PTPRD: variants seen among roughly 807,000 people sequenced by gnomAD.
PTPRD encodes the protein protein tyrosine phosphatase receptor type D.
A neutral mutation model predicts 214.5 loss-of-function variants in PTPRD; 34 were observed. The observed-to-expected ratio is 0.16, with a 90% confidence interval of 0.12 to 0.21. The LOEUF is 0.21. Ranked by LOEUF, PTPRD falls within the 10% of genes least tolerant of loss-of-function variation. The probability of loss-of-function intolerance (pLI) is 1.00; values close to 1 mark genes in which losing one functional copy is unlikely to be tolerated. For synonymous variants in PTPRD, 1,128 were observed against 845.7 expected, an observed-to-expected ratio of 1.33 and a Z score of -5.79; for missense variants, 2,545 against 2,398.7, an observed-to-expected ratio of 1.06 and a Z score of -1.27.
intron 3 of PTPRD, among the ~76,000 whole-genome samples, chr9:10,288,038 G>A (rs577408773): frequency 7.7e-4 from 117 of 151,412 alleles, no homozygotes; most frequent in Non-Finnish European, 1.3e-3. Flanking sequence ...TCTTAAGATT[G>A]GGAGATGAAT....
chr9:10,194,343 TATAGAGAGAGAGAGAGAG>T (rs1279194706), intron 3 of PTPRD, among the ~76,000 whole-genome samples: 814 of 40,632 alleles, frequency 0.02, 1 homozygote, highest in African/African-American at 0.027. Context: ...TATATATATA[TATAGAGAGAGAGAGAGAG>T]AGAGAGAGAG....
chr9:10,169,473 C>CAAAAAAAAAAAA (rs59335943), intron 3 of PTPRD, among the ~76,000 whole-genome samples: 7 of 66,842 alleles, frequency 1.0e-4, no homozygotes, highest in African/African-American at 5.0e-4. Context: ...GACTCTGTCT[C>CAAAAAAAAAAAA]AAAAAAAAAA....
intron 11 of PTPRD, among the ~76,000 whole-genome samples, chr9:9,018,245 T>C (rs1350120611): frequency 2.0e-5 from 3 of 152,154 alleles, no homozygotes; most frequent in Non-Finnish European, 2.9e-5. Context: ...AGAATCATGG[T>C]TCCACACGAG....
chr9:8,654,415 T>A (rs993592910), intron 12 of PTPRD, among the ~76,000 whole-genome samples: 4 of 152,182 alleles, frequency 2.6e-5, no homozygotes, highest in Non-Finnish European at 4.4e-5. Flanking sequence ...CCAAGGATCA[T>A]GCTTCCACTA....
chr9:9,456,715 A>G (rs890151601), intron 8 of PTPRD, among the ~76,000 whole-genome samples: 1 of 151,884 alleles, frequency 6.6e-6, no homozygotes, highest in African/African-American at 2.4e-5. Flanking sequence ...AAACTGCTAC[A>G]TAGTAAATAA....
chr9:8,992,892 A>C (rs1182780542), intron 11 of PTPRD, among the ~76,000 whole-genome samples: 1 of 152,156 alleles, frequency 6.6e-6, no homozygotes, highest in Non-Finnish European at 1.5e-5. Flanking sequence ...GGCTGTTTCC[A>C]TGCCAGCATT....
chr9:9,274,646 G>A (rs563081730), intron 9 of PTPRD, among the ~76,000 whole-genome samples: 27 of 151,176 alleles, frequency 1.8e-4, no homozygotes, highest in African/African-American at 6.3e-4. Context: ...TAAATTGAAA[G>A]AACTTGAACA....
intron 3 of PTPRD, among the ~76,000 whole-genome samples, chr9:10,200,803 T>C (rs987006419): frequency 6.6e-6 from 1 of 152,114 alleles, no homozygotes; most frequent in Non-Finnish European, 1.5e-5. Flanking sequence ...AGGAAAAATA[T>C]AAACATAAAT....
intron 10 of PTPRD, among the ~76,000 whole-genome samples, chr9:9,147,302 G>A (rs1001911252): frequency 2.0e-5 from 3 of 150,392 alleles, no homozygotes; most frequent in Admixed American, 6.7e-5. Flanking sequence ...TGTTCTTTTT[G>A]CAGTAAAAAT....
intron 3 of PTPRD, among the ~76,000 whole-genome samples, chr9:10,061,248 T>A (rs1272370541): frequency 1.3e-5 from 2 of 151,858 alleles, no homozygotes; most frequent in Non-Finnish European, 2.9e-5. Context: ...ACAATGCATA[T>A]CCTGCAACAG....
intron 3 of PTPRD, among the ~76,000 whole-genome samples, chr9:10,034,188 A>T (rs2097134348): frequency 6.6e-6 from 1 of 152,118 alleles, no homozygotes; most frequent in African/African-American, 2.4e-5. Context: ...GCTGTAGGAC[A>T]CTAATTTGTT....
chr9:10,148,243 G>T (rs1328570070), intron 3 of PTPRD, among the ~76,000 whole-genome samples: 1 of 152,214 alleles, frequency 6.6e-6, no homozygotes, highest in African/African-American at 2.4e-5. Flanking sequence ...AACACTCACA[G>T]ATTGTGTATG....
intron 43 of PTPRD, among the ~76,000 whole-genome samples, chr9:8,337,078 C>T (rs1048460395): frequency 4.6e-5 from 7 of 152,100 alleles, no homozygotes; most frequent in African/African-American, 1.7e-4. Flanking sequence ...TACCATTTGA[C>T]CCAGCAATCC....
At chr9:8,638,978 G>A (rs887139829) in intron 12 of PTPRD, among the ~76,000 whole-genome samples, 1 of 152,014 alleles carries the variant, frequency 6.6e-6, no homozygotes, top group East Asian at 1.9e-4. Flanking sequence ...AAATAGCTAG[G>A]ACTACAGGTG....
chr9:9,807,352 T>G (rs1002432886), intron 5 of PTPRD, among the ~76,000 whole-genome samples: 1 of 152,114 alleles, frequency 6.6e-6, no homozygotes, highest in Non-Finnish European at 1.5e-5. Context: ...CTTCACATAC[T>G]TATGTGAAGA....
At chr9:9,039,900 T>C (rs1359034382) in intron 10 of PTPRD, among the ~76,000 whole-genome samples, 1 of 152,014 alleles carries the variant, frequency 6.6e-6, no homozygotes, top group Non-Finnish European at 1.5e-5. Context: ...TTGACTGTGG[T>C]GCCTACCCCC....
chr9:9,947,388 T>TATA (rs1566617793), intron 4 of PTPRD, among the ~76,000 whole-genome samples: 2 of 48,670 alleles, frequency 4.1e-5, no homozygotes, highest in Admixed American at 3.9e-4. Context: ...ATATATTTTA[T>TATA]ATACATATTA....
At chr9:10,300,997 G>C (rs2095846696) in intron 3 of PTPRD, among the ~76,000 whole-genome samples, 3 of 152,242 alleles carry the variant, frequency 2.0e-5, no homozygotes, top group Middle Eastern at 3.4e-3. Flanking sequence ...GGGGCTGACA[G>C]ACACCTCATA....
chr9:10,337,677 T>G (rs2096867328), intron 3 of PTPRD, among the ~76,000 whole-genome samples: 1 of 151,778 alleles, frequency 6.6e-6, no homozygotes, highest in Non-Finnish European at 1.5e-5. Context: ...AAACTAAATC[T>G]TATTTATACT....
Sources: gnomAD v4.1 joint callset for allele counts (sites outside exome capture counted in the v4.1 genomes callset) on GRCh38, gnomAD v4.1.1 for gene constraint, MANE v1.5 for transcripts, NCBI Gene and HGNC (gene_info 2026-07-23, HGNC 2026-07-21) for gene names.